CSMD1: variants seen among roughly 807,000 people sequenced by gnomAD.
CSMD1 encodes CUB and sushi domain-containing protein 1.
Under a neutral mutation model 417.5 loss-of-function variants are expected in CSMD1, and 213 were observed. That is an observed-to-expected ratio of 0.51 (90% confidence interval 0.46 to 0.57). The LOEUF (loss-of-function observed/expected upper bound fraction) is 0.57. Among genes scored for constraint, CSMD1 ranks in the 20% least tolerant of loss-of-function variants. The pLI is 0.00. For missense variants in CSMD1, 6,923 were observed against 4,529.7 expected, an observed-to-expected ratio of 1.53 and a Z score of -15.17; for synonymous variants, 2,862 against 1,736.8, an observed-to-expected ratio of 1.65 and a Z score of -16.11.
chr8:4,900,779 A>T (rs1173902882), intron 1 of CSMD1, among the ~76,000 whole-genome samples: 1 of 152,168 alleles, frequency 6.6e-6, no homozygotes, highest in Non-Finnish European at 1.5e-5. Context: ...CTCTCAACAG[A>T]ATTCACTGAC....
intron 1 of CSMD1, among the ~76,000 whole-genome samples, chr8:4,928,565 G>A (rs564325655): frequency 6.6e-6 from 1 of 152,248 alleles, no homozygotes; most frequent in African/African-American, 2.4e-5. Flanking sequence ...TTCCAGTCTT[G>A]CAGATGTGCA....
At chr8:4,906,999 T>A (rs946970426) in intron 1 of CSMD1, among the ~76,000 whole-genome samples, 1 of 152,376 alleles carries the variant, frequency 6.6e-6, no homozygotes, top group South Asian at 2.1e-4. Context: ...ATTCAAGACT[T>A]AATTCATCTA....
intron 1 of CSMD1, among the ~76,000 whole-genome samples, chr8:4,694,964 C>A (rs1027196433): frequency 6.6e-6 from 1 of 151,990 alleles, no homozygotes; most frequent in African/African-American, 2.4e-5. Context: ...GGTTCTTGTA[C>A]CTTTCACAGC....
At chr8:4,307,098 T>A (rs1798290919) in intron 3 of CSMD1, among the ~76,000 whole-genome samples, 1 of 152,122 alleles carries the variant, frequency 6.6e-6, no homozygotes. Flanking sequence ...TCAATTGTTT[T>A]ATCTCTACAA....
At chr8:3,702,516 G>T (rs9987389) in intron 7 of CSMD1, among the ~76,000 whole-genome samples, 145,134 of 152,330 alleles carry the variant, frequency 0.95, 69,197 homozygotes, top group East Asian at 1. Context: ...AGAAATGACA[G>T]GTACTGTTAC....
chr8:3,321,492 C>A (rs1806152458), intron 23 of CSMD1, among the ~76,000 whole-genome samples: 3 of 152,134 alleles, frequency 2.0e-5, no homozygotes, highest in Admixed American at 1.3e-4. Flanking sequence ...GACAGGTGCT[C>A]TGCGTGTATC....
rs571638425 is a variant in CSMD1 at position 4,189,654 on chromosome 8, C to T, written c.416-157555G>A. On this transcript the variant is annotated intron_variant, in intron 3 of 69. Transcript: ENST00000635120. ...AAGACCCTTCTACTGATGTTCTAAA[C>T]CCTTATTTATCATGGAATGCATTTG... is the stretch of plus-strand genomic sequence containing the variant. Among the ~76,000 whole-genome samples, 8 of 152,216 alleles carry T rather than the reference C, an allele frequency of 5.3e-5. No individual in the cohort carries two copies. In the South Asian group the frequency reaches 1.7e-3, roughly 32 times the overall value.
Position 4,189,988 on chromosome 8 carries a change from G to A in CSMD1, c.416-157889C>T, listed in dbSNP as rs192787842. On this transcript the variant is annotated intron_variant, in intron 3 of 69. Transcript: ENST00000635120. ...TAAAAGCAGAGACTCGCCAGGTGTG[G>A]TGGCTCACGCCTGAAATCCCAGCAC... Among the ~76,000 whole-genome samples the A allele has an allele frequency of 1.8e-3, 268 of 152,002 alleles. 1 individual carries two copies. The highest frequency in any genetic ancestry group is 6.3e-3 in the African/African-American group (260 of 41,454).
In CSMD1 at chr8:4,862,899, C is replaced by A. The variant is rs578027796; in HGVS notation, c.85+131433G>T. 3.3e-5 allele frequency among the ~76,000 whole-genome samples: 5 copies of A among 151,934 alleles called. No individual in the cohort carries two copies. The East Asian group carries it at 5.8e-4, about 18-fold the overall frequency. ...GAACATGAGGAAGGACTGGTAGAGC[C>A]GTGGGAGACACAGCACCAAGAGAGG... On this transcript the variant is annotated intron_variant, in intron 1 of 69. Transcript: ENST00000635120.
At chr8:3,253,740 C>T (rs1377745186) in intron 26 of CSMD1, among the ~76,000 whole-genome samples, 3 of 152,112 alleles carry the variant, frequency 2.0e-5, no homozygotes, top group South Asian at 2.1e-4. Context: ...GATCTTCCTC[C>T]ATCCTTTTAT....
At chr8:4,810,763 A>C (rs1798851342) in intron 1 of CSMD1, among the ~76,000 whole-genome samples, 2 of 152,246 alleles carry the variant, frequency 1.3e-5, no homozygotes, top group Non-Finnish European at 2.9e-5. Flanking sequence ...ATAATTGAAA[A>C]AGCTGAAGAA....
intron 4 of CSMD1, among the ~76,000 whole-genome samples, chr8:4,028,427 C>G (rs371851048): frequency 2.6e-5 from 4 of 151,968 alleles, no homozygotes; most frequent in African/African-American, 9.7e-5. Flanking sequence ...GTAGTAGTAG[C>G]AGTCATCGCC....
At chr8:4,375,640 G>C (rs1429969686) in intron 3 of CSMD1, among the ~76,000 whole-genome samples, 1 of 152,110 alleles carries the variant, frequency 6.6e-6, no homozygotes, top group Non-Finnish European at 1.5e-5. Context: ...GCTGTGGGAT[G>C]GTCGCGGCTG....
intron 1 of CSMD1, among the ~76,000 whole-genome samples, chr8:4,736,429 G>C (rs951924423): frequency 6.6e-6 from 1 of 152,074 alleles, no homozygotes; most frequent in East Asian, 1.9e-4. Flanking sequence ...GAATGAATTT[G>C]CATGAACAGA....
chr8:4,556,464 C>T (rs1363642026), intron 2 of CSMD1, among the ~76,000 whole-genome samples: 5 of 152,138 alleles, frequency 3.3e-5, no homozygotes, highest in Non-Finnish European at 2.9e-5. Flanking sequence ...GCTCATATTG[C>T]TTGCTACAGT....
intron 1 of CSMD1, among the ~76,000 whole-genome samples, chr8:4,665,670 C>G (rs1320870300): frequency 6.6e-6 from 1 of 152,064 alleles, no homozygotes; most frequent in East Asian, 1.9e-4. Flanking sequence ...TCAAGGTCCA[C>G]CCACGCTGTT....
At chr8:4,181,107 G>A (rs146555787) in intron 3 of CSMD1, among the ~76,000 whole-genome samples, 2 of 152,170 alleles carry the variant, frequency 1.3e-5, no homozygotes, top group East Asian at 3.9e-4. Flanking sequence ...ACACATGATT[G>A]ACCAGCCAAT....
rs2930357 is a variant in CSMD1, at chr8:3,852,138, T to G, written c.819-98096A>C. 2.4e-3 allele frequency among the ~76,000 whole-genome samples: 364 copies of G among 151,974 alleles called. 3 individuals carry two copies. Among genetic ancestry groups the G allele is most frequent in the Non-Finnish European group, 2.8e-3 (188 of 67,954 alleles). On this transcript the variant is annotated intron_variant, in intron 5 of 69. Coordinates refer to ENST00000635120, the MANE Select transcript of CSMD1 (RefSeq NM_033225.6). The stretch of plus-strand genomic sequence containing the variant: ...TTGTTGCAAAAACCATCGATACAAA[T>G]ACTCTATAAGAATACTTGATTCTAC...
Position 3,439,309 on chromosome 8 carries a change from A to ATATATATATATATTTTT in CSMD1, c.1561+29402_1561+29403insAAAAATATATATATATA. On this transcript the variant is annotated intron_variant, in intron 12 of 69. Coordinates refer to ENST00000635120, the MANE Select transcript of CSMD1 (RefSeq NM_033225.6). ...TATATATATATATATATATATATAT[A>ATATATATATATATTTTT]TTTTTTTTTTTAATATGTATTTTTA... Among the ~76,000 whole-genome samples, 240 of 62,280 alleles carry ATATATATATATATTTTT rather than the reference A, an allele frequency of 3.9e-3. 1 individual carries two copies. The highest frequency in any genetic ancestry group is 5.2e-3 in the Non-Finnish European group (182 of 34,686). 40.9% of individuals were successfully genotyped at this position (62,280 alleles called of 152,430 possible).
Sources: gnomAD v4.1 joint callset for allele counts (sites outside exome capture counted in the v4.1 genomes callset) on GRCh38, gnomAD v4.1.1 for gene constraint, MANE v1.5 for transcripts, NCBI Gene and HGNC (gene_info 2026-07-23, HGNC 2026-07-21) for gene names.